Variants in DRC8 observed in about 807,000 individuals in gnomAD.
DRC8 encodes the protein dynein regulatory complex protein 8.
At chr1:244,978,581 C>G in the DRC8 span, among the ~76,000 whole-genome samples, 5 of 152,088 alleles carry the variant, frequency 3.3e-5, no homozygotes, top group South Asian at 1.0e-3. Context: ...CCTCTACTTT[C>G]TGGGCTCAAG....
chr1:245,077,926 T>C, the DRC8 span, among the ~76,000 whole-genome samples: 1 of 152,092 alleles, frequency 6.6e-6, no homozygotes, highest in African/African-American at 2.4e-5. Flanking sequence ...GAGCAACCTA[T>C]GGAATGGGAG....
chr1:244,985,506 A>G, the DRC8 span, among the ~76,000 whole-genome samples: 1 of 152,218 alleles, frequency 6.6e-6, no homozygotes, highest in Non-Finnish European at 1.5e-5. Flanking sequence ...ATGTTGGGGA[A>G]TAAAACAGAT....
the DRC8 span, among the ~76,000 whole-genome samples, chr1:245,021,260 G>A: frequency 2.0e-5 from 3 of 151,840 alleles, no homozygotes; most frequent in South Asian, 6.2e-4. Flanking sequence ...AAACATAGAC[G>A]CTTTGAGCGC....
At chr1:245,017,280 G>A in the DRC8 span, 6 of 1,609,706 alleles carry the variant, frequency 3.7e-6, no homozygotes, top group Non-Finnish European at 5.1e-6. Flanking sequence ...AATCAAAGAG[G>A]CATTTGAAGT....
chr1:244,998,611 C>T, the DRC8 span, among the ~76,000 whole-genome samples: 4 of 152,098 alleles, frequency 2.6e-5, no homozygotes, highest in South Asian at 2.1e-4. Flanking sequence ...TAATATCAAA[C>T]GATTCTGGCT....
the DRC8 span, among the ~76,000 whole-genome samples, chr1:245,024,736 G>A: frequency 6.6e-6 from 1 of 151,698 alleles, no homozygotes; most frequent in Non-Finnish European, 1.5e-5. Context: ...TAGAGATGGG[G>A]GTTCACCATA....
chr1:245,118,835 G>GAAAAGAAAAGAA, the DRC8 span, among the ~76,000 whole-genome samples: 4 of 128,734 alleles, frequency 3.1e-5, no homozygotes, highest in Admixed American at 2.3e-4. Context: ...GAAAAGAAAA[G>GAAAAGAAAAGAA]AAAAAAATAA....
At chr1:245,059,844 A>C in the DRC8 span, among the ~76,000 whole-genome samples, 1 of 152,232 alleles carries the variant, frequency 6.6e-6, no homozygotes, top group Non-Finnish European at 1.5e-5. Context: ...AGTAGTAAAC[A>C]GAATAAAATA....
chr1:245,023,661 A>G, the DRC8 span, among the ~76,000 whole-genome samples: 1 of 152,134 alleles, frequency 6.6e-6, no homozygotes, highest in Non-Finnish European at 1.5e-5. Flanking sequence ...AATGATTAGT[A>G]ATATTGAACA....
chr1:244,971,489 C>T, the DRC8 span, among the ~76,000 whole-genome samples: 1 of 152,228 alleles, frequency 6.6e-6, no homozygotes, highest in Non-Finnish European at 1.5e-5. Context: ...AAACCCGATC[C>T]TTTGTTACCA....
the DRC8 span, chr1:244,970,796 G>C: frequency 1.9e-5 from 7 of 369,556 alleles, no homozygotes; most frequent in Non-Finnish European, 3.4e-5. Flanking sequence ...CCCCTCCCTC[G>C]GAGGCCGGGC....
chr1:245,117,929 C>A, the DRC8 span, among the ~76,000 whole-genome samples: 2 of 152,072 alleles, frequency 1.3e-5, no homozygotes, highest in African/African-American at 4.8e-5. Context: ...GATTGTGCCA[C>A]TGCACTCCAG....
chr1:245,115,128 C>T, the DRC8 span, among the ~76,000 whole-genome samples: 1 of 152,152 alleles, frequency 6.6e-6, no homozygotes, highest in Non-Finnish European at 1.5e-5. Context: ...TCGGCTCATG[C>T]AGCCTCGACC....
chr1:245,058,345 G>T, the DRC8 span, among the ~76,000 whole-genome samples: 1 of 152,148 alleles, frequency 6.6e-6, no homozygotes. Flanking sequence ...TACATGTTTT[G>T]TTGGCCCTTC....
At chr1:245,009,022 G>GCTTTT in the DRC8 span, among the ~76,000 whole-genome samples, 2 of 118,628 alleles carry the variant, frequency 1.7e-5, no homozygotes, top group Non-Finnish European at 3.4e-5. Flanking sequence ...CAAGGATTAT[G>GCTTTT]CTTTTCTTTT....
At chr1:244,986,136 G>T in the DRC8 span, among the ~76,000 whole-genome samples, 1 of 150,340 alleles carries the variant, frequency 6.7e-6, no homozygotes, top group African/African-American at 2.4e-5. Context: ...TATATTTTTA[G>T]TAGAGACGGG....
At chr1:245,037,223 A>G in the DRC8 span, among the ~76,000 whole-genome samples, 1 of 152,236 alleles carries the variant, frequency 6.6e-6, no homozygotes, top group South Asian at 2.1e-4. Context: ...CTTACAAAAC[A>G]ATCTTATGAA....
At chr1:244,971,593 G>A in the DRC8 span, among the ~76,000 whole-genome samples, 1 of 152,200 alleles carries the variant, frequency 6.6e-6, no homozygotes, top group East Asian at 1.9e-4. Flanking sequence ...AAACAAGTAG[G>A]AAGTGAAAAT....
the DRC8 span, chr1:245,017,161 A>G: frequency 9.9e-6 from 13 of 1,318,214 alleles, no homozygotes; most frequent in Non-Finnish European, 1.3e-5. Context: ...ACTTATTAAG[A>G]TTGCTAGTCT....
Sources: allele counts gnomAD v4.1 joint callset (sites outside exome capture counted in the v4.1 genomes callset), GRCh38; gene constraint gnomAD v4.1.1; transcripts MANE v1.5; gene names NCBI Gene and HGNC (gene_info 2026-07-23, HGNC 2026-07-21).